The following PCDHA4 variants were observed in gnomAD, a reference collection of about 807,000 sequenced individuals.
PCDHA4 encodes the protein protocadherin alpha-4.
In PCDHA4, 49 loss-of-function variants were observed where a neutral mutation model predicts 61.4. That is an observed-to-expected ratio of 0.80 (90% CI 0.63 to 1.01). PCDHA4 has a LOEUF of 1.01. Ranked by LOEUF, PCDHA4 falls within the 50% of genes least tolerant of loss-of-function variation. PCDHA4 has a pLI of 0.00. For synonymous variants in PCDHA4, 590 were observed against 550.3 expected (o/e 1.07, Z -1.01); for missense variants, 1,254 against 1,235.8 (o/e 1.01, Z -0.22).
At chr5:141,000,414 TATATA>T (rs1398508145) in intron 3 of PCDHA4, among the ~76,000 whole-genome samples, 89 of 99,526 alleles carry the variant, frequency 8.9e-4, no homozygotes, top group African/African-American at 1.6e-3. Context: ...TATATATATA[TATATA>T]TATTTTTTTT....
chr5:140,814,657 C>T (rs2126657567), intron 1 of PCDHA4: 3 of 151,744 alleles, frequency 2.0e-5, no homozygotes, highest in Non-Finnish European at 1.5e-5. Flanking sequence ...CCAACATCAC[C>T]ACAAACATGT....
chr5:140,982,705 T>A, intron 3 of PCDHA4, 142 bp downstream of exon 3: 1 of 1,376,850 alleles, frequency 7.3e-7, no homozygotes, highest in Non-Finnish European at 9.5e-7. Flanking sequence ...CATGATTTCC[T>A]TACATATATG....
rs372608018 is a variant in PCDHA4, at chr5:140,875,736, T to C, written c.2385+66164T>C. The C allele has an allele frequency of 2.5e-6, 4 of 1,614,088 alleles. No homozygotes were observed. The African/African-American group carries it at 4.0e-5, about 16-fold the overall frequency. ...AGAATGGCATTTTGTTTGTGAATTCTCGGATCGACCGCGAGAAGCTGTGCG... is the reference window on the plus strand; with the variant it reads ...AGAATGGCATTTTGTTTGTGAATTCCCGGATCGACCGCGAGAAGCTGTGCG... On this transcript the variant is annotated intron_variant, in intron 1 of 3. Transcript: ENST00000530339.
chr5:140,870,632 A>G, intron 1 of PCDHA4: 1 of 1,612,930 alleles, frequency 6.2e-7, no homozygotes, highest in Non-Finnish European at 8.5e-7. Flanking sequence ...GTGTCGGTGC[A>G]CGCGGAGAGC....
chr5:141,008,837 C>G (rs1460664317), intron 3 of PCDHA4, among the ~76,000 whole-genome samples: 1 of 152,178 alleles, frequency 6.6e-6, no homozygotes, highest in Non-Finnish European at 1.5e-5. Flanking sequence ...CATCCTCTTA[C>G]GCTGTGTATT....
chr5:140,889,662 C>T (rs1397086074), intron 1 of PCDHA4, among the ~76,000 whole-genome samples: 1 of 151,946 alleles, frequency 6.6e-6, no homozygotes, highest in Admixed American at 6.6e-5. Context: ...GTCCTCTTCC[C>T]AGCCTTTTAT....
At chr5:140,811,629 G>A (rs2126630282) in intron 1 of PCDHA4, 8 of 152,132 alleles carry the variant, frequency 5.3e-5, no homozygotes, top group South Asian at 4.1e-4. Context: ...GTGTAAAAGC[G>A]TTACTATTTC....
intron 1 of PCDHA4, chr5:140,869,855 T>C: frequency 6.2e-7 from 1 of 1,610,578 alleles, no homozygotes; most frequent in Non-Finnish European, 8.5e-7. Context: ...AAGGTGAGCC[T>C]TATGGAAAAT....
intron 1 of PCDHA4, among the ~76,000 whole-genome samples, chr5:140,838,141 T>G (rs1229796880): frequency 6.7e-6 from 1 of 149,692 alleles, no homozygotes; most frequent in African/African-American, 2.5e-5. Context: ...TTTGACAGAG[T>G]TTTACTCTGT....
At chr5:140,918,046 G>A (rs1159911161) in intron 1 of PCDHA4, among the ~76,000 whole-genome samples, 2 of 152,006 alleles carry the variant, frequency 1.3e-5, no homozygotes, top group African/African-American at 4.8e-5. Flanking sequence ...CTTTCCATTT[G>A]TTTTATCATC....
At chr5:140,903,800 A>T (rs2070614237) in intron 1 of PCDHA4, among the ~76,000 whole-genome samples, 1 of 152,178 alleles carries the variant, frequency 6.6e-6, no homozygotes, top group African/African-American at 2.4e-5. Context: ...GTTGTAATTG[A>T]CAAGTATAGT....
At position 140,942,948 on chromosome 5, in the gene PCDHA4, C is replaced by T. The variant is rs534534050; in HGVS notation, c.2386-36001C>T. 1.4e-4 allele frequency among the ~76,000 whole-genome samples: 22 copies of T among 151,804 alleles called. No individual in the cohort carries two copies. The South Asian group carries it at 4.0e-3, about 27-fold the overall frequency. On this transcript the variant is annotated intron_variant, in intron 1 of 3. Transcript: ENST00000530339. ...ATTGAAAAAGAGTTTAAAGTGTAGA[C>T]GTTCTGTTATCAGAATTAAATTTTG... is the stretch of plus-strand genomic sequence containing the variant.
intron 1 of PCDHA4, among the ~76,000 whole-genome samples, chr5:140,933,901 C>T (rs1218971055): frequency 4.0e-5 from 6 of 151,882 alleles, no homozygotes; most frequent in African/African-American, 1.2e-4. Context: ...AATATTTTGG[C>T]ATAAAGTTGT....
chr5:140,827,905 C>T, intron 1 of PCDHA4: 1 of 798,712 alleles, frequency 1.3e-6, no homozygotes, highest in Non-Finnish European at 2.0e-6. Flanking sequence ...TTTGGAGCCG[C>T]ATGATGTCGC....
chr5:141,000,593 A>G (rs1021263998), intron 3 of PCDHA4, among the ~76,000 whole-genome samples: 3 of 150,498 alleles, frequency 2.0e-5, no homozygotes, highest in African/African-American at 4.9e-5. Flanking sequence ...ATGCCCAGCT[A>G]ATTTTTGTAT....
intron 1 of PCDHA4, chr5:140,809,819 T>A (rs1764549384): frequency 5.0e-6 from 2 of 396,282 alleles, no homozygotes; most frequent in African/African-American, 4.1e-5. Context: ...TTCACTATAT[T>A]CACCCTCTTT....
rs1364522984 is a variant in PCDHA4 at position 140,856,543 on chromosome 5, A to G, written c.2385+46971A>G. 5.0e-6 allele frequency: 8 copies of G among 1,598,190 alleles called. No homozygotes were observed. In the African/African-American group the frequency reaches 6.7e-5, roughly 13 times the overall value. The stretch of plus-strand genomic sequence containing the variant: ...CTGATGCGGATGTTGGAGAGAACGC[A>G]TTGCTTACTTACAAACTCAGTCCAA... On this transcript the variant is annotated intron_variant, in intron 1 of 3. Transcript: ENST00000530339.
intron 1 of PCDHA4, among the ~76,000 whole-genome samples, chr5:140,912,273 A>G (rs551128589): frequency 1.3e-5 from 2 of 151,890 alleles, no homozygotes; most frequent in South Asian, 4.2e-4. Flanking sequence ...TCACAGATAT[A>G]CCCAGGAACA....
At chr5:140,864,890 G>T (rs1554159190) in intron 1 of PCDHA4, 1 of 152,170 alleles carries the variant, frequency 6.6e-6, no homozygotes, top group Non-Finnish European at 1.5e-5. Context: ...TCATTAAGCT[G>T]CATGGTCTTC....
Sources: allele counts gnomAD v4.1 joint callset (sites outside exome capture counted in the v4.1 genomes callset), GRCh38; gene constraint gnomAD v4.1.1; transcripts MANE v1.5; gene names NCBI Gene and HGNC (gene_info 2026-07-23, HGNC 2026-07-21).